The following UNC5A variants were observed in gnomAD, a reference collection of about 807,000 sequenced individuals.
UNC5A encodes the protein netrin receptor UNC5A.
In UNC5A, 20 loss-of-function variants were observed where a neutral mutation model predicts 87.4. That is an observed-to-expected ratio of 0.23 (90% confidence interval 0.16 to 0.33). UNC5A has a LOEUF of 0.33. Among genes scored for constraint, UNC5A ranks in the 10% least tolerant of loss-of-function variants. The pLI, the probability that UNC5A is intolerant of heterozygous loss-of-function variation, is 1.00. For missense variants in UNC5A, 844 were observed against 1,133.4 expected, an observed-to-expected ratio of 0.74 and a Z score of 3.67; for synonymous variants, 438 against 482.3, an observed-to-expected ratio of 0.91 and a Z score of 1.20.
At chr5:176,867,184 G>C (rs1757995814) in intron 2 of UNC5A, among the ~76,000 whole-genome samples, 1 of 152,204 alleles carries the variant, frequency 6.6e-6, no homozygotes, top group Non-Finnish European at 1.5e-5. Flanking sequence ...TTGGGGTCAG[G>C]AGGAGGAGAA....
intron 1 of UNC5A, among the ~76,000 whole-genome samples, chr5:176,830,650 T>TTGTG (rs574164105): frequency 1.8e-5 from 1 of 56,214 alleles, no homozygotes. Context: ...GCGTGTGCAT[T>TTGTG]TGTGTGTGTG....
chr5:176,820,412 G>T (rs1477263488), intron 1 of UNC5A, among the ~76,000 whole-genome samples: 1 of 151,976 alleles, frequency 6.6e-6, no homozygotes, highest in African/African-American at 2.4e-5. Flanking sequence ...AAAAAGAAAA[G>T]AAAGAAAGAA....
intron 1 of UNC5A, among the ~76,000 whole-genome samples, chr5:176,853,124 A>T (rs1385605609): frequency 6.6e-6 from 1 of 152,222 alleles, no homozygotes; most frequent in Non-Finnish European, 1.5e-5. Context: ...CGGGCACGAC[A>T]AGTGCAAAGG....
chr5:176,877,558 C>A lies in UNC5A; in HGVS notation c.1490C>A (p.Thr497Asn). 1 of 1,603,802 alleles carries A rather than the reference C, an allele frequency of 6.2e-7. No homozygotes were observed. Among genetic ancestry groups the A allele is most frequent in the Non-Finnish European group, 8.5e-7 (1 of 1,174,372 alleles). The change falls in exon 10 of 15, where the codon ACC (threonine) becomes AAC (asparagine). Residue 497 changes from threonine to asparagine, a missense_variant. Thr to Asn is a moderately conservative substitution (Grantham distance 65). Coordinates refer to ENST00000329542, the MANE Select transcript of UNC5A (RefSeq NM_133369.3). ...AGGTTGCCCCTAGCTGGCTGTCAGACCCTGCTGAGTCCCATCGTTAGCTGT... is the reference window on the plus strand; with the variant it reads ...AGGTTGCCCCTAGCTGGCTGTCAGAACCTGCTGAGTCCCATCGTTAGCTGT... Reference protein sequence around the residue: ...DVRLPLAGCQTLLSPIVSCGP... With the variant: ...DVRLPLAGCQNLLSPIVSCGP...
intron 1 of UNC5A, among the ~76,000 whole-genome samples, chr5:176,830,788 G>GTGTA (rs1756997529): frequency 6.7e-6 from 1 of 148,612 alleles, no homozygotes; most frequent in Non-Finnish European, 1.5e-5. Flanking sequence ...ACTGGCGTGT[G>GTGTA]TGTGCTGGCA....
At chr5:176,862,508 C>T in intron 1 of UNC5A, 116 bp from the exon 2 acceptor site, 1 of 975,060 alleles carries the variant, frequency 1.0e-6, no homozygotes, top group East Asian at 2.6e-5. Flanking sequence ...ATGGCAGAGC[C>T]TGGACTCACT....
In UNC5A at chr5:176,827,637, C is replaced by A. The variant is rs537248882; in HGVS notation, c.70+16817C>A. On this transcript the variant is annotated intron_variant, in intron 1 of 14. Transcript: ENST00000329542. ...TTGGGTACAAGTATCTGTTTAAAGACCTGTTTTCAGTTCTGTTGGGCATAC... is the reference window on the plus strand; with the variant it reads ...TTGGGTACAAGTATCTGTTTAAAGAACTGTTTTCAGTTCTGTTGGGCATAC... 2.0e-5 allele frequency among the ~76,000 whole-genome samples: 3 copies of A among 152,280 alleles called. No homozygotes were observed. The East Asian group carries it at 5.8e-4, about 29-fold the overall frequency.
At chr5:176,860,692 C>T (rs189774662) in intron 1 of UNC5A, among the ~76,000 whole-genome samples, 6 of 152,332 alleles carry the variant, frequency 3.9e-5, no homozygotes, top group East Asian at 1.9e-4. Context: ...CCTGAGCCTA[C>T]GACAGACCCC....
chr5:176,829,881 C>CTTTTTTTTTTTTTTTTTTTTTTTTTTTT (rs70991576), intron 1 of UNC5A, among the ~76,000 whole-genome samples: 4 of 87,320 alleles, frequency 4.6e-5, no homozygotes, highest in Non-Finnish European at 7.2e-5. Flanking sequence ...ATCACTGCTC[C>CTTTTTTTTTTTTTTTTTTTTTTTTTTTT]TTTTTTTTTT....
intron 1 of UNC5A, among the ~76,000 whole-genome samples, chr5:176,855,735 G>T (rs1052156495): frequency 1.3e-5 from 2 of 152,228 alleles, no homozygotes; most frequent in Admixed American, 1.3e-4. Flanking sequence ...GTAGAGCGGG[G>T]AACCCAGGCC....
At chr5:176,858,411 C>T (rs1010182426) in intron 1 of UNC5A, among the ~76,000 whole-genome samples, 1 of 152,096 alleles carries the variant, frequency 6.6e-6, no homozygotes, top group Non-Finnish European at 1.5e-5. Context: ...GAAGCTCCTG[C>T]CTCGGAGGGA....
chr5:176,813,035 G>A (rs1756504000), intron 1 of UNC5A, among the ~76,000 whole-genome samples: 1 of 152,212 alleles, frequency 6.6e-6, no homozygotes, highest in Admixed American at 6.5e-5. Context: ...ACTGACTGCA[G>A]CCGCTTGCTC....
chr5:176,829,896 A>G (rs922321888), intron 1 of UNC5A, among the ~76,000 whole-genome samples: 11 of 12,262 alleles, frequency 9.0e-4, no homozygotes, highest in Non-Finnish European at 8.2e-3. Flanking sequence ...TTTTTTTGAG[A>G]TGGAATCTTG....
rs73340082 is a variant in UNC5A at position 176,838,710 on chromosome 5, A to T, written c.71-23914A>T. On this transcript the variant is annotated intron_variant, in intron 1 of 14. Coordinates refer to ENST00000329542, the MANE Select transcript of UNC5A (RefSeq NM_133369.3). The surrounding 1 kb of genome is among the most constrained non-coding windows in gnomAD (Gnocchi z 4.2). ...ACACTCTCCCTGTCTTGGTACTGGG[A>T]TGACTGCAGCAGCACAGCCCTCACA... Among the ~76,000 whole-genome samples, 681 of 152,322 alleles carry T rather than the reference A, an allele frequency of 4.5e-3. 4 individuals are homozygous for T. Among genetic ancestry groups the T allele is most frequent in the African/African-American group, 0.015 (635 of 41,554 alleles).
At chr5:176,815,159 T>C (rs140734760) in intron 1 of UNC5A, among the ~76,000 whole-genome samples, 2 of 152,332 alleles carry the variant, frequency 1.3e-5, no homozygotes, top group African/African-American at 4.8e-5. Context: ...GTGAATGTTT[T>C]CTTGAGCAAA....
chr5:176,846,460 T>C (rs7730963), intron 1 of UNC5A, among the ~76,000 whole-genome samples: 17,143 of 152,068 alleles, frequency 0.11, 1,660 homozygotes, highest in African/African-American at 0.24. Flanking sequence ...TTGTCCATGA[T>C]GGGGGACAGG....
In UNC5A at chr5:176,874,021, G is replaced by C. The variant is rs777887433; in HGVS notation, c.940G>C (p.Val314Leu). ...ALYVGLIAVA[V>L]CLVLLLLVLI... is the part of the protein sequence containing the mutation. The stretch of plus-strand genomic sequence containing the variant: ...CTATGTGGGCCTCATCGCCGTGGCC[G>C]TCTGCCTGGTCCTGCTGCTGCTTGT... The change falls in exon 7 of 15, where the codon GTC (valine) becomes CTC (leucine). Residue 314 changes from valine to leucine, a missense_variant. Physicochemically the swap from Val to Leu is conservative, Grantham distance 32. This residue lies in a region of UNC5A where 314 missense variants were observed against 466.5 expected (regional missense o/e 0.67). Coordinates refer to ENST00000329542, the MANE Select transcript of UNC5A (RefSeq NM_133369.3). The surrounding 1 kb of genome is among the most constrained non-coding windows in gnomAD (Gnocchi z 7.6). 2 of 1,613,988 alleles carry C rather than the reference G, an allele frequency of 1.2e-6. No individual in the cohort carries two copies. Among genetic ancestry groups the C allele is most frequent in the East Asian group, 4.5e-5 (2 of 44,886 alleles).
chr5:176,855,266 G>GC (rs887474879), intron 1 of UNC5A, among the ~76,000 whole-genome samples: 11 of 152,340 alleles, frequency 7.2e-5, no homozygotes, highest in Middle Eastern at 3.4e-3. Flanking sequence ...CCCTGTGAGG[G>GC]CCCCCGGCAA....
At chr5:176,863,686 G>C (rs1757896506) in intron 2 of UNC5A, among the ~76,000 whole-genome samples, 1 of 150,222 alleles carries the variant, frequency 6.7e-6, no homozygotes, top group Non-Finnish European at 1.5e-5. Flanking sequence ...GGCAGAGAGA[G>C]AGGCAGGAGC....
Sources: allele counts gnomAD v4.1 joint callset (sites outside exome capture counted in the v4.1 genomes callset), GRCh38; gene constraint gnomAD v4.1.1; regional missense constraint gnomAD v4.1.1; non-coding constraint Gnocchi (gnomAD v3.1); transcripts MANE v1.5; gene names NCBI Gene and HGNC (gene_info 2026-07-23, HGNC 2026-07-21).